VWC2L: variants seen among roughly 807,000 people sequenced by gnomAD.
VWC2L encodes the protein von Willebrand factor C domain containing 2 like, also known as von Willebrand factor C domain-containing protein 2-like.
A neutral mutation model predicts 21.6 loss-of-function variants in VWC2L; 10 were observed. The observed-to-expected ratio is 0.46, with a 90% CI of 0.29 to 0.78. VWC2L has a LOEUF of 0.78. Ranked by LOEUF, VWC2L falls within the 30% of genes least tolerant of loss-of-function variation. The pLI, the probability that VWC2L is intolerant of heterozygous loss-of-function variation, is 0.10. For missense variants in VWC2L, 209 were observed against 277.1 expected (o/e 0.75, Z 1.74); for synonymous variants, 96 against 94.3 (o/e 1.02, Z -0.10).
At chr2:214,559,056 C>CA (rs1447904001) in intron 3 of VWC2L, among the ~76,000 whole-genome samples, 3 of 144,714 alleles carry the variant, frequency 2.1e-5, no homozygotes, top group African/African-American at 8.1e-5. Context: ...AGGCAACCTA[C>CA]AAAATGGGAG....
intron 3 of VWC2L, among the ~76,000 whole-genome samples, chr2:214,527,944 A>C (rs1301101451): frequency 6.6e-6 from 1 of 152,176 alleles, no homozygotes; most frequent in Non-Finnish European, 1.5e-5. Context: ...CTGAGATAAA[A>C]ATTAGGTCAT....
In VWC2L at chr2:214,470,707, G is replaced by A. The variant is rs534321160; in HGVS notation, c.520+33949G>A. Among the ~76,000 whole-genome samples the A allele has an allele frequency of 9.9e-4, 151 of 151,818 alleles. 1 individual carries two copies. The highest frequency in any genetic ancestry group is 1.5e-3 in the Non-Finnish European group (101 of 67,946). ...GTGGATCACTTTAGGCCAGGAGTCC[G>A]AGACCTGCCTGGCCAATGTAGTGAA... is the stretch of plus-strand genomic sequence containing the variant. On this transcript the variant is annotated intron_variant, in intron 3 of 3. Transcript: ENST00000312504.
intron 3 of VWC2L, among the ~76,000 whole-genome samples, chr2:214,540,666 C>A (rs372576428): frequency 6.6e-6 from 1 of 152,250 alleles, no homozygotes; most frequent in African/African-American, 2.4e-5. Flanking sequence ...AGAATGCAGA[C>A]CTCATCTGAA....
intron 3 of VWC2L, among the ~76,000 whole-genome samples, chr2:214,565,149 G>T (rs764179258): frequency 3.9e-5 from 6 of 151,962 alleles, no homozygotes; most frequent in Non-Finnish European, 7.4e-5. Flanking sequence ...CATGGAGAAG[G>T]GTACCATAAT....
At chr2:214,563,657 T>C (rs1410649495) in intron 3 of VWC2L, among the ~76,000 whole-genome samples, 2 of 149,126 alleles carry the variant, frequency 1.3e-5, no homozygotes, top group African/African-American at 5.0e-5. Flanking sequence ...ATGTTAAAAA[T>C]CTCAATAAAC....
At chr2:214,488,178 T>G (rs1688697291) in intron 3 of VWC2L, among the ~76,000 whole-genome samples, 1 of 152,214 alleles carries the variant, frequency 6.6e-6, no homozygotes, top group Non-Finnish European at 1.5e-5. Context: ...TTCATGGCCT[T>G]TGTTCATCAA....
intron 3 of VWC2L, among the ~76,000 whole-genome samples, chr2:214,480,157 A>AT (rs1198496824): frequency 6.6e-6 from 1 of 152,196 alleles, no homozygotes; most frequent in Non-Finnish European, 1.5e-5. Flanking sequence ...GCATCTGCAG[A>AT]TTTTTATATC....
chr2:214,561,787 TATATATATATA>T (rs1689977031), intron 3 of VWC2L, among the ~76,000 whole-genome samples: 8 of 8,148 alleles, frequency 9.8e-4, no homozygotes, highest in Admixed American at 3.2e-3. Flanking sequence ...AAAAAAATTA[TATATATATATA>T]TATATATATA....
intron 3 of VWC2L, among the ~76,000 whole-genome samples, chr2:214,553,017 C>T (rs1333690526): frequency 1.3e-5 from 2 of 152,204 alleles, no homozygotes; most frequent in Admixed American, 6.5e-5. Context: ...CTCTTCCATA[C>T]CTCTTGTGTA....
intron 3 of VWC2L, among the ~76,000 whole-genome samples, chr2:214,488,434 C>CA (rs1321101719): frequency 2.0e-5 from 3 of 151,930 alleles, no homozygotes; most frequent in African/African-American, 4.8e-5. Flanking sequence ...CCTGTCTCTA[C>CA]AAAAAAATAC....
chr2:214,565,636 T>G (rs1690051240), intron 3 of VWC2L, among the ~76,000 whole-genome samples: 1 of 152,208 alleles, frequency 6.6e-6, no homozygotes, highest in Non-Finnish European at 1.5e-5. Flanking sequence ...TCTTGACATT[T>G]TTTTAATAAA....
intron 3 of VWC2L, among the ~76,000 whole-genome samples, chr2:214,486,925 C>G (rs932462441): frequency 1.3e-5 from 2 of 152,198 alleles, no homozygotes; most frequent in Non-Finnish European, 2.9e-5. Context: ...TTGACGTTCT[C>G]ATTCCCAGCA....
At chr2:214,533,725 AT>A (rs1365908352) in intron 3 of VWC2L, among the ~76,000 whole-genome samples, 1 of 152,064 alleles carries the variant, frequency 6.6e-6, no homozygotes, top group Non-Finnish European at 1.5e-5. Flanking sequence ...AAACACAGAC[AT>A]TTTTCTGGTT....
At chr2:214,514,065 T>A (rs1689100924) in intron 3 of VWC2L, among the ~76,000 whole-genome samples, 1 of 152,130 alleles carries the variant, frequency 6.6e-6, no homozygotes, top group Non-Finnish European at 1.5e-5. Context: ...TCAGCCCATA[T>A]ACACACACTC....
At chr2:214,455,448 A>G (rs138050377) in intron 3 of VWC2L, among the ~76,000 whole-genome samples, 1,886 of 152,244 alleles carry the variant, frequency 0.012, 14 homozygotes, top group Non-Finnish European at 0.018. Flanking sequence ...TATGGGTTAC[A>G]TTTAATATAT....
At position 214,577,689 on chromosome 2, in the gene VWC2L, A is replaced by G. The variant is rs1024752279; in HGVS notation, c.*1869A>G. On this transcript the variant is annotated 3_prime_UTR_variant, in exon 4 of 4. Transcript: ENST00000312504. ...CTAATGCTATAGGCCCACCCTCAGG[A>G]AACATATTTTTTTGAGTCTTGTCAA... The G allele has an allele frequency of 4.6e-5, 7 of 152,152 alleles. No homozygotes were observed. The highest frequency in any genetic ancestry group is 1.7e-4 in the African/African-American group (7 of 41,436). 9.4% of individuals were successfully genotyped at this position (152,152 alleles called of 1,614,324 possible).
intron 3 of VWC2L, among the ~76,000 whole-genome samples, chr2:214,531,309 C>G (rs1415408722): frequency 2.0e-5 from 3 of 152,118 alleles, no homozygotes; most frequent in South Asian, 4.1e-4. Flanking sequence ...ACAAATTTTT[C>G]TACTGAGGAT....
At chr2:214,522,790 A>G (rs1689265654) in intron 3 of VWC2L, among the ~76,000 whole-genome samples, 1 of 152,208 alleles carries the variant, frequency 6.6e-6, no homozygotes, top group African/African-American at 2.4e-5. Flanking sequence ...TTATAGAATA[A>G]GAAGCCACTT....
intron 3 of VWC2L, among the ~76,000 whole-genome samples, chr2:214,485,945 T>G (rs1688666882): frequency 6.6e-6 from 1 of 152,156 alleles, no homozygotes; most frequent in African/African-American, 2.4e-5. Flanking sequence ...ATGAATTATT[T>G]TAGGTAAAAC....
Sources: allele counts gnomAD v4.1 joint callset (sites outside exome capture counted in the v4.1 genomes callset), GRCh38; gene constraint gnomAD v4.1.1; transcripts MANE v1.5; gene names NCBI Gene and HGNC (gene_info 2026-07-23, HGNC 2026-07-21).